The following NME7 variants were observed in gnomAD, a reference collection of about 807,000 sequenced individuals.
NME7 encodes NME/NM23 family member 7.
A neutral mutation model predicts 49.1 loss-of-function variants in NME7; 41 were observed. That is an observed-to-expected ratio of 0.83 (90% CI 0.65 to 1.08). The LOEUF (loss-of-function observed/expected upper bound fraction) is 1.08. NME7 is among the 50% of genes least tolerant of loss of function. The pLI, the probability that NME7 is intolerant of heterozygous loss-of-function variation, is 0.00. For missense variants in NME7, 423 were observed against 463.4 expected, an observed-to-expected ratio of 0.91 and a Z score of 0.80; for synonymous variants, 139 against 150.6, an observed-to-expected ratio of 0.92 and a Z score of 0.56.
intron 11 of NME7, among the ~76,000 whole-genome samples, chr1:169,167,881 C>G (rs1332102160): frequency 6.6e-6 from 1 of 152,178 alleles, no homozygotes; most frequent in Non-Finnish European, 1.5e-5. Context: ...ACTTTGAGTG[C>G]TATTGTTATA....
chr1:169,287,466 A>C, intron 6 of NME7, 58 bp from the exon 7 acceptor site: 2 of 1,216,246 alleles, frequency 1.6e-6, no homozygotes, highest in Non-Finnish European at 2.3e-6. Context: ...AACTTACAAG[A>C]TATTTCTGTG....
At chr1:169,149,210 G>A (rs1455806067) in intron 11 of NME7, among the ~76,000 whole-genome samples, 1 of 152,098 alleles carries the variant, frequency 6.6e-6, no homozygotes, top group African/African-American at 2.4e-5. Context: ...GTGTGGTGGT[G>A]CATACCTGTA....
chr1:169,314,321 T>G (rs898984839), intron 3 of NME7, among the ~76,000 whole-genome samples: 1 of 151,576 alleles, frequency 6.6e-6, no homozygotes, highest in African/African-American at 2.4e-5. Context: ...CCAACAAAAA[T>G]TGAGCTAAAG....
At chr1:169,144,822 T>C (rs1658703730) in intron 11 of NME7, among the ~76,000 whole-genome samples, 1 of 152,200 alleles carries the variant, frequency 6.6e-6, no homozygotes, top group Non-Finnish European at 1.5e-5. Flanking sequence ...GCAATTTGTT[T>C]ATTATACAAC....
Position 169,287,299 on chromosome 1 carries a change from A to G in NME7, c.754+4T>C, listed in dbSNP as rs2101895587. 1 of 1,603,624 alleles carries G rather than the reference A, an allele frequency of 6.2e-7. No individual in the cohort carries two copies. The highest frequency in any genetic ancestry group is 1.3e-5 in the African/African-American group (1 of 74,772). Reference sequence around the variant, plus strand: ...ATGTACTGAATATAGTGTATTCAACATACCTTCACTGACAGCATGGGGTTT... The same window carrying G: ...ATGTACTGAATATAGTGTATTCAACGTACCTTCACTGACAGCATGGGGTTT... On this transcript the variant is annotated splice_donor_region_variant and intron_variant, in intron 7 of 11. Transcript: ENST00000367811.
At chr1:169,349,969 T>C (rs936431497) in intron 1 of NME7, among the ~76,000 whole-genome samples, 1 of 151,920 alleles carries the variant, frequency 6.6e-6, no homozygotes, top group African/African-American at 2.4e-5. Context: ...GGCAGATGGA[T>C]TGCCTGAGGA....
intron 6 of NME7, among the ~76,000 whole-genome samples, chr1:169,293,458 T>C (rs2101901509): frequency 6.6e-6 from 1 of 152,336 alleles, no homozygotes; most frequent in Non-Finnish European, 1.5e-5. Context: ...CTAATCAATC[T>C]ATCCCTTGTC....
chr1:169,148,010 A>AT (rs66803163), intron 11 of NME7, among the ~76,000 whole-genome samples: 19 of 150,320 alleles, frequency 1.3e-4, no homozygotes, highest in South Asian at 2.1e-4. Flanking sequence ...CTTTTATTTT[A>AT]TTTTTTTTTT....
At chr1:169,134,612 C>G (rs1437965570) in intron 11 of NME7, among the ~76,000 whole-genome samples, 1 of 152,116 alleles carries the variant, frequency 6.6e-6, no homozygotes, top group Admixed American at 6.5e-5. Context: ...ATTTCCCTTG[C>G]AAACAAAGAG....
At chr1:169,162,455 A>G (rs934982277) in intron 11 of NME7, among the ~76,000 whole-genome samples, 6 of 152,090 alleles carry the variant, frequency 3.9e-5, no homozygotes, top group African/African-American at 1.4e-4. Context: ...TTTGCTATAC[A>G]TAACTGTCTC....
At chr1:169,329,698 T>C (rs1215179012) in intron 1 of NME7, among the ~76,000 whole-genome samples, 1 of 151,912 alleles carries the variant, frequency 6.6e-6, no homozygotes, top group African/African-American at 2.4e-5. Flanking sequence ...ATCTAGGAAA[T>C]AGGCTGGAAA....
intron 10 of NME7, among the ~76,000 whole-genome samples, chr1:169,205,055 C>T (rs1660637684): frequency 6.6e-6 from 1 of 152,034 alleles, no homozygotes; most frequent in South Asian, 2.1e-4. Flanking sequence ...TATATATTTA[C>T]TATTGTCACA....
intron 6 of NME7, among the ~76,000 whole-genome samples, chr1:169,291,732 A>G (rs1459472022): frequency 6.6e-6 from 1 of 152,134 alleles, no homozygotes; most frequent in African/African-American, 2.4e-5. Flanking sequence ...ATCAGCAGAC[A>G]TCAACATCAA....
intron 1 of NME7, among the ~76,000 whole-genome samples, chr1:169,357,304 A>G (rs1288945908): frequency 6.6e-6 from 1 of 152,000 alleles, no homozygotes; most frequent in Non-Finnish European, 1.5e-5. Context: ...TCATCTTTGT[A>G]TCTCATATAT....
chr1:169,229,945 G>C (rs12145193), intron 10 of NME7, among the ~76,000 whole-genome samples: 37,029 of 150,976 alleles, frequency 0.25, 5,496 homozygotes, highest in Non-Finnish European at 0.34. Flanking sequence ...CTGGGCAACA[G>C]AGTGAGACTC....
chr1:169,358,654 A>T (rs1422288938), intron 1 of NME7, among the ~76,000 whole-genome samples: 2 of 152,166 alleles, frequency 1.3e-5, no homozygotes, highest in African/African-American at 2.4e-5. Context: ...AGTGCCTTTC[A>T]TCTATAGAAC....
In NME7 at chr1:169,342,930, A is replaced by C. The variant is rs183521925; in HGVS notation, c.4-18430T>G. Among the ~76,000 whole-genome samples, 125 of 104,554 alleles carry C rather than the reference A, an allele frequency of 1.2e-3. 17 individuals carry two copies. The East Asian group carries it at 0.015, about 12-fold the overall frequency. 68.6% of individuals were successfully genotyped at this position (104,554 alleles called of 152,430 possible). A position where few individuals can be genotyped will look rare whatever the true frequency, so the allele number is the denominator to read the frequency against. ...TATATAGTGTATATATATATATACA[A>C]GTACATATATATACTTGTATTAGTA... On this transcript the variant is annotated intron_variant, in intron 1 of 11. Coordinates refer to ENST00000367811, the MANE Select transcript of NME7 (RefSeq NM_013330.5).
chr1:169,324,833 C>T (rs1280067938), intron 1 of NME7, among the ~76,000 whole-genome samples: 3 of 152,162 alleles, frequency 2.0e-5, no homozygotes, highest in African/African-American at 7.2e-5. Context: ...CTTCTGAAAG[C>T]AAGTTTACAT....
At chr1:169,141,747 G>A (rs915218330) in intron 11 of NME7, among the ~76,000 whole-genome samples, 1 of 151,990 alleles carries the variant, frequency 6.6e-6, no homozygotes, top group African/African-American at 2.4e-5. Flanking sequence ...TTTAGAAGAT[G>A]GAATGCCTTT....
Sources: allele counts gnomAD v4.1 joint callset (sites outside exome capture counted in the v4.1 genomes callset), GRCh38; gene constraint gnomAD v4.1.1; transcripts MANE v1.5; gene names NCBI Gene and HGNC (gene_info 2026-07-23, HGNC 2026-07-21).